The following PTPRM variants were observed in gnomAD, a reference collection of about 807,000 sequenced individuals.
PTPRM encodes the protein protein tyrosine phosphatase receptor type M, also known as receptor-type tyrosine-protein phosphatase mu.
A neutral mutation model predicts 186.7 loss-of-function variants in PTPRM; 47 were observed. The ratio of observed to expected loss-of-function variants is 0.25; its 90% CI spans 0.20 to 0.32. The LOEUF (loss-of-function observed/expected upper bound fraction) is 0.32, where lower values mean the gene tolerates loss of function less well. Among genes scored for constraint, PTPRM ranks in the 10% least tolerant of loss-of-function variants. PTPRM has a pLI of 1.00. For missense variants in PTPRM, 1,494 were observed against 1,865.0 expected, an observed-to-expected ratio of 0.80 and a Z score of 3.66; for synonymous variants, 668 against 674.9, an observed-to-expected ratio of 0.99 and a Z score of 0.16.
intron 7 of PTPRM, among the ~76,000 whole-genome samples, chr18:7,967,239 G>C (rs1435345637): frequency 4.6e-5 from 1 of 21,762 alleles, no homozygotes; most frequent in African/African-American, 1.3e-4. Flanking sequence ...ACCTGCAGCT[G>C]AGGGTCCTGT....
intron 2 of PTPRM, among the ~76,000 whole-genome samples, chr18:7,871,163 T>C (rs566642646): frequency 1.1e-3 from 171 of 152,352 alleles, no homozygotes; most frequent in Non-Finnish European, 2.2e-3. Context: ...CCTCCTGTGG[T>C]TAAATCACAT....
intron 1 of PTPRM, among the ~76,000 whole-genome samples, chr18:7,599,502 C>T (rs2037347396): frequency 6.6e-6 from 1 of 152,144 alleles, no homozygotes; most frequent in African/African-American, 2.4e-5. Context: ...TGCTATAACC[C>T]CTGACTCAGT....
chr18:7,577,091 T>C (rs965265231), intron 1 of PTPRM, among the ~76,000 whole-genome samples: 5 of 152,164 alleles, frequency 3.3e-5, no homozygotes, highest in East Asian at 3.9e-4. Flanking sequence ...GTTTTTTTTT[T>C]CCTACTTCCT....
chr18:7,984,930 A>ATT (rs2082797474), intron 7 of PTPRM, among the ~76,000 whole-genome samples: 2 of 98,660 alleles, frequency 2.0e-5, no homozygotes, highest in African/African-American at 4.0e-5. Flanking sequence ...TACATATATA[A>ATT]ATATATACAT....
chr18:7,827,622 A>G (rs1412468450), intron 2 of PTPRM, among the ~76,000 whole-genome samples: 2 of 152,242 alleles, frequency 1.3e-5, no homozygotes, highest in Non-Finnish European at 2.9e-5. Context: ...GGCACCAAGC[A>G]CCAAGAGTCA....
At chr18:8,085,930 A>G in intron 10 of PTPRM, 58 bp downstream of exon 10, 2 of 1,526,860 alleles carry the variant, frequency 1.3e-6, no homozygotes, top group Non-Finnish European at 1.8e-6. Context: ...GTCCGTTTTC[A>G]TTCCCATTGT....
rs186528117 is a variant in PTPRM, at chr18:7,992,844, G to A, written c.1132+37430G>A. Among the ~76,000 whole-genome samples, 363 of 152,176 alleles carry A rather than the reference G, an allele frequency of 2.4e-3. 1 individual carries two copies. Among genetic ancestry groups the A allele is most frequent in the African/African-American group, 8.3e-3 (346 of 41,544 alleles). On this transcript the variant is annotated intron_variant, in intron 7 of 32. Coordinates refer to ENST00000580170, the MANE Select transcript of PTPRM (RefSeq NM_001105244.2). ...AAATATTGAAACAAATGTGAGCTATGTGTAAATGTAAGAAAGATTAATAAA... is the reference window on the plus strand; with the variant it reads ...AAATATTGAAACAAATGTGAGCTATATGTAAATGTAAGAAAGATTAATAAA...
chr18:7,829,367 C>T (rs1394890586), intron 2 of PTPRM, among the ~76,000 whole-genome samples: 1 of 152,078 alleles, frequency 6.6e-6, no homozygotes, highest in African/African-American at 2.4e-5. Context: ...ATTTGATATC[C>T]AGGAAAATAC....
intron 14 of PTPRM, among the ~76,000 whole-genome samples, chr18:8,165,524 GA>G: frequency 1.3e-5 from 2 of 152,274 alleles, no homozygotes; most frequent in South Asian, 4.1e-4. Flanking sequence ...AAACTGCCTT[GA>G]AAAAACACCT....
intron 14 of PTPRM, among the ~76,000 whole-genome samples, chr18:8,152,414 A>G (rs2093029580): frequency 6.6e-6 from 1 of 152,050 alleles, no homozygotes; most frequent in South Asian, 2.1e-4. Flanking sequence ...CCCTCCATTT[A>G]TGGTTCTGTT....
At chr18:8,145,367 G>C (rs1418288175) in intron 14 of PTPRM, among the ~76,000 whole-genome samples, 1 of 152,022 alleles carries the variant, frequency 6.6e-6, no homozygotes, top group Non-Finnish European at 1.5e-5. Flanking sequence ...TACATGTGCA[G>C]AATGAGCAGT....
chr18:7,887,776 A>G (rs540313707), intron 2 of PTPRM, among the ~76,000 whole-genome samples: 2 of 152,302 alleles, frequency 1.3e-5, no homozygotes, highest in African/African-American at 4.8e-5. Flanking sequence ...TGGAATTTTA[A>G]TTTTTATTTT....
At chr18:8,033,694 C>G (rs538551049) in intron 7 of PTPRM, among the ~76,000 whole-genome samples, 1 of 152,352 alleles carries the variant, frequency 6.6e-6, no homozygotes, top group East Asian at 1.9e-4. Flanking sequence ...TGGGGCATCA[C>G]TGTATAGATT....
At chr18:7,580,766 T>G (rs547030470) in intron 1 of PTPRM, among the ~76,000 whole-genome samples, 1 of 152,314 alleles carries the variant, frequency 6.6e-6, no homozygotes, top group Non-Finnish European at 1.5e-5. Context: ...GTGGGGTACA[T>G]GTACCATATT....
At chr18:8,296,727 G>A (rs2095100846) in intron 20 of PTPRM, among the ~76,000 whole-genome samples, 1 of 152,096 alleles carries the variant, frequency 6.6e-6, no homozygotes, top group African/African-American at 2.4e-5. Flanking sequence ...ATGCATTTTG[G>A]ATGGAGTAAA....
At chr18:7,619,241 T>A (rs954447082) in intron 1 of PTPRM, among the ~76,000 whole-genome samples, 2 of 152,148 alleles carry the variant, frequency 1.3e-5, no homozygotes, top group African/African-American at 4.8e-5. Context: ...GTTGAGAGTA[T>A]CTAAAAGCTT....
chr18:8,083,667 G>A (rs893827801), intron 9 of PTPRM, among the ~76,000 whole-genome samples: 6 of 152,106 alleles, frequency 3.9e-5, no homozygotes, highest in Admixed American at 1.3e-4. Context: ...GAAACAGGGC[G>A]TGTATTTACC....
At chr18:8,397,948 C>T (rs2095852956) in intron 32 of PTPRM, among the ~76,000 whole-genome samples, 1 of 152,142 alleles carries the variant, frequency 6.6e-6, no homozygotes. Context: ...GAACAACTGG[C>T]CCCATCATTT....
At chr18:7,693,626 G>C (rs141018858) in intron 1 of PTPRM, among the ~76,000 whole-genome samples, 3 of 152,296 alleles carry the variant, frequency 2.0e-5, no homozygotes, top group Non-Finnish European at 2.9e-5. Context: ...TCCCACTTAG[G>C]TTCTTGGTTC....
Sources: allele counts gnomAD v4.1 joint callset (sites outside exome capture counted in the v4.1 genomes callset), GRCh38; gene constraint gnomAD v4.1.1; transcripts MANE v1.5; gene names NCBI Gene and HGNC (gene_info 2026-07-23, HGNC 2026-07-21).